Variants in ABCA1 observed in about 807,000 individuals in gnomAD.
The protein encoded by ABCA1 is phospholipid-transporting ATPase ABCA1.
A neutral mutation model predicts 262.5 loss-of-function variants in ABCA1; 133 were observed. The observed-to-expected ratio is 0.51, with a 90% confidence interval of 0.44 to 0.59. The LOEUF is 0.59. Among genes scored for constraint, ABCA1 ranks in the 20% least tolerant of loss-of-function variants. The probability of loss-of-function intolerance (pLI) is 0.00; values close to 1 mark genes in which losing one functional copy is unlikely to be tolerated. For missense variants in ABCA1, 2,452 were observed against 2,777.5 expected (o/e 0.88, Z 2.63); for synonymous variants, 1,022 against 1,043.5 (o/e 0.98, Z 0.40).
At chr9:104,894,069 C>T (rs145700970) in intron 2 of ABCA1, among the ~76,000 whole-genome samples, 5 of 152,144 alleles carry the variant, frequency 3.3e-5, no homozygotes, top group South Asian at 2.1e-4. Context: ...AGAAACTGCA[C>T]CAATGTTTGA....
intron 47 of ABCA1, 68 bp from the exon 48 acceptor site, chr9:104,786,458 A>C (rs929104489): frequency 3.7e-6 from 5 of 1,356,800 alleles, no homozygotes; most frequent in Non-Finnish European, 5.3e-6. Context: ...CATCACCATG[A>C]CTTCCAGCAT....
At chr9:104,788,176 C>T (rs1829091684) in intron 45 of ABCA1, 122 bp from the exon 46 acceptor site, 1 of 1,270,362 alleles carries the variant, frequency 7.9e-7, no homozygotes, top group African/African-American at 1.5e-5. Context: ...CATAACCTGA[C>T]AACTGGTGAG....
At chr9:104,849,305 T>A (rs373468197) in intron 7 of ABCA1, among the ~76,000 whole-genome samples, 1 of 152,304 alleles carries the variant, frequency 6.6e-6, no homozygotes, top group East Asian at 1.9e-4. Flanking sequence ...ATTTTTACAT[T>A]AGCAGACACA....
intron 2 of ABCA1, among the ~76,000 whole-genome samples, chr9:104,898,628 T>G (rs1351697345): frequency 6.6e-6 from 1 of 151,992 alleles, no homozygotes; most frequent in African/African-American, 2.4e-5. Context: ...CCCAGGAGAA[T>G]TGGCCCTAAA....
intron 49 of ABCA1, 77 bp from the exon 50 acceptor site, chr9:104,784,532 A>G: frequency 1.3e-6 from 2 of 1,580,654 alleles, no homozygotes; most frequent in South Asian, 1.1e-5. Context: ...ATTTTTCCAG[A>G]TGTTGAAATT....
chr9:104,884,302 A>G, intron 4 of ABCA1, 125 bp downstream of exon 4: 1 of 1,277,676 alleles, frequency 7.8e-7, no homozygotes, highest in Non-Finnish European at 1.1e-6. Context: ...TGCAGACTCT[A>G]TCACACAAGC....
intron 5 of ABCA1, among the ~76,000 whole-genome samples, chr9:104,865,148 T>A (rs972870062): frequency 1.3e-5 from 2 of 152,140 alleles, no homozygotes; most frequent in African/African-American, 4.8e-5. Flanking sequence ...TGGTGTAGTA[T>A]ACTGGTTCTC....
At chr9:104,903,122 C>G (rs1191922062) in intron 2 of ABCA1, among the ~76,000 whole-genome samples, 2 of 152,132 alleles carry the variant, frequency 1.3e-5, no homozygotes, top group Non-Finnish European at 2.9e-5. Context: ...GGCTTAGAAC[C>G]CTCTGCAGAA....
chr9:104,812,607 A>G lies in ABCA1; in HGVS notation c.4017T>C (p.Ile1339=). ...AAAATCCTTTCCGACTCCGTCTGGCAATTAGCAGTCTCTTCCACAAAAGGG... is the reference window on the plus strand; with the variant it reads ...AAAATCCTTTCCGACTCCGTCTGGCGATTAGCAGTCTCTTCCACAAAAGGG... ...FVALLWKRLL[I]ARRSRKGFFA... Residue 1339 remains isoleucine, a synonymous_variant, in exon 28 of 50, where the codon ATT becomes ATC. Coordinates refer to ENST00000374736, the MANE Select transcript of ABCA1 (RefSeq NM_005502.4). 1 of 1,614,196 alleles carries G rather than the reference A, an allele frequency of 6.2e-7. No homozygotes were observed. Among genetic ancestry groups the G allele is most frequent in the East Asian group, 2.2e-5 (1 of 44,870 alleles).
chr9:104,818,886 GC>G lies in ABCA1; in HGVS notation c.3242-4del. On this transcript the variant is annotated splice_region_variant and splice_polypyrimidine_tract_variant and intron_variant, in intron 22 of 49. Coordinates refer to ENST00000374736, the MANE Select transcript of ABCA1 (RefSeq NM_005502.4). ...TGTAGAGAGAATAATGGTGCGGCCT[GC>G]CAGGCACAAACACAAGGATGTGGGA... is the stretch of plus-strand genomic sequence containing the variant. 1 of 1,610,704 alleles carries G rather than the reference GC, an allele frequency of 6.2e-7. No homozygotes were observed.
At chr9:104,872,825 T>C (rs1232587187) in intron 5 of ABCA1, among the ~76,000 whole-genome samples, 1 of 152,264 alleles carries the variant, frequency 6.6e-6, no homozygotes, top group East Asian at 1.9e-4. Context: ...CGCAACACTG[T>C]TCTTGATGTT....
In ABCA1 at chr9:104,786,231, T is replaced by C. The variant is rs961131909; in HGVS notation, c.6401+67A>G. On this transcript the variant is annotated intron_variant, in intron 48 of 49. Coordinates refer to ENST00000374736, the MANE Select transcript of ABCA1 (RefSeq NM_005502.4). ...CTTTATGTTAGAGGCACCATTTATA[T>C]ACTCACAAAAGAATAAATATCAAGC... is the stretch of plus-strand genomic sequence containing the variant. 4.6e-6 allele frequency: 6 copies of C among 1,292,942 alleles called. No homozygotes were observed. In the Admixed American group the frequency reaches 8.4e-5, roughly 18 times the overall value. The allele number at this position is 1,292,942 out of a possible 1,614,324, so 80.1% of individuals were successfully genotyped here.
intron 1 of ABCA1, among the ~76,000 whole-genome samples, chr9:104,909,742 T>A (rs1841389650): frequency 6.6e-6 from 1 of 151,828 alleles, no homozygotes; most frequent in Non-Finnish European, 1.5e-5. Flanking sequence ...ACCAAAACAT[T>A]GTGCCCTTTT....
intron 30 of ABCA1, among the ~76,000 whole-genome samples, chr9:104,808,986 T>G (rs1831035184): frequency 6.6e-6 from 1 of 152,228 alleles, no homozygotes; most frequent in Non-Finnish European, 1.5e-5. Flanking sequence ...AAAGGGGGTT[T>G]TGAAGGAAAG....
At chr9:104,812,837 A>G in intron 27 of ABCA1, 115 bp from the exon 28 acceptor site, 2 of 1,377,574 alleles carry the variant, frequency 1.5e-6, no homozygotes, top group East Asian at 2.3e-5. Context: ...TGAAGCTAGA[A>G]GTTTCTCAGA....
intron 5 of ABCA1, among the ~76,000 whole-genome samples, chr9:104,862,697 G>A (rs866976320): frequency 0.39 from 421 of 1,070 alleles, 137 homozygotes; most frequent in African/African-American, 0.6. Context: ...GCCGGGCCGG[G>A]CCGGCCCCCA....
chr9:104,803,437 C>G, intron 32 of ABCA1, 121 bp from the exon 33 acceptor site: 1 of 1,032,566 alleles, frequency 9.7e-7, no homozygotes, highest in Non-Finnish European at 1.5e-6. Flanking sequence ...ACCCTAGAAT[C>G]AGCTGGCCTT....
intron 3 of ABCA1, among the ~76,000 whole-genome samples, chr9:104,885,758 AC>A (rs1316600764): frequency 6.6e-6 from 1 of 152,060 alleles, no homozygotes; most frequent in Non-Finnish European, 1.5e-5. Flanking sequence ...GGGGCTCTTA[AC>A]CCAAGGACCT....
At chr9:104,826,079 A>G (rs1335602200) in intron 16 of ABCA1, among the ~76,000 whole-genome samples, 192 bp from the exon 17 acceptor site, 2 of 152,214 alleles carry the variant, frequency 1.3e-5, no homozygotes, top group African/African-American at 2.4e-5. Flanking sequence ...AAATGATTCC[A>G]TTTGTAACCA....
Sources: gnomAD v4.1 joint callset for allele counts (sites outside exome capture counted in the v4.1 genomes callset) on GRCh38, gnomAD v4.1.1 for gene constraint, MANE v1.5 for transcripts, NCBI Gene and HGNC (gene_info 2026-07-23, HGNC 2026-07-21) for gene names.